The following CBFA2T2 variants were observed in gnomAD, a reference collection of about 807,000 sequenced individuals.
CBFA2T2 encodes the protein protein CBFA2T2.
CBFA2T2 carries 11 observed loss-of-function variants against 62.2 expected under a neutral mutation model. The ratio of observed to expected loss-of-function variants is 0.18; its 90% CI spans 0.11 to 0.29. The LOEUF (loss-of-function observed/expected upper bound fraction) is 0.29, where lower values mean the gene tolerates loss of function less well. CBFA2T2 is among the 10% of genes least tolerant of loss of function. The pLI is 1.00. For missense variants in CBFA2T2, 592 were observed against 774.1 expected (o/e 0.76, Z 2.79); for synonymous variants, 295 against 287.5 (o/e 1.03, Z -0.27).
At chr20:33,562,730 A>G in intron 1 of CBFA2T2, 1 of 939,018 alleles carries the variant, frequency 1.1e-6, no homozygotes, top group Non-Finnish European at 1.3e-6. Flanking sequence ...TCTGCCTTTC[A>G]AAGCTTTTTA....
chr20:33,522,274 T>C (rs2011749560), intron 1 of CBFA2T2, among the ~76,000 whole-genome samples: 1 of 147,594 alleles, frequency 6.8e-6, no homozygotes, highest in African/African-American at 2.5e-5. Flanking sequence ...AAATTCAAAA[T>C]AACCTTCTAA....
At chr20:33,625,127 C>A in intron 6 of CBFA2T2, 110 bp downstream of exon 6, 1 of 990,328 alleles carries the variant, frequency 1.0e-6, no homozygotes, top group Non-Finnish European at 1.5e-6. Flanking sequence ...TTGGATAAAA[C>A]AATATTATAC....
intron 1 of CBFA2T2, among the ~76,000 whole-genome samples, chr20:33,543,527 C>CACGT (rs1261515309): frequency 6.6e-6 from 1 of 152,092 alleles, no homozygotes; most frequent in Non-Finnish European, 1.5e-5. Context: ...GGGAGATGAA[C>CACGT]ACGTACTAGA....
chr20:33,518,223 A>G (rs1372036077), intron 1 of CBFA2T2, among the ~76,000 whole-genome samples: 1 of 152,130 alleles, frequency 6.6e-6, no homozygotes, highest in East Asian at 1.9e-4. Flanking sequence ...CTGGGATTAC[A>G]GGCGTGAGTC....
chr20:33,500,877 CAT>C (rs2011268731), intron 1 of CBFA2T2, among the ~76,000 whole-genome samples: 2 of 152,048 alleles, frequency 1.3e-5, no homozygotes, highest in Non-Finnish European at 2.9e-5. Flanking sequence ...CAATTCATCC[CAT>C]ATGTTTCCTG....
chr20:33,619,281 AG>A (rs2015839198), intron 3 of CBFA2T2, among the ~76,000 whole-genome samples: 1 of 152,160 alleles, frequency 6.6e-6, no homozygotes, highest in Non-Finnish European at 1.5e-5. Context: ...CCACTTTAGG[AG>A]GCCGAGGCGG....
At chr20:33,592,422 TA>T (rs1043819673) in intron 1 of CBFA2T2, among the ~76,000 whole-genome samples, 1 of 147,828 alleles carries the variant, frequency 6.8e-6, no homozygotes, top group Non-Finnish European at 1.5e-5. Context: ...TATAATTATG[TA>T]AAAATTATAT....
At chr20:33,560,579 A>G (rs979379019) in intron 1 of CBFA2T2, among the ~76,000 whole-genome samples, 4 of 152,214 alleles carry the variant, frequency 2.6e-5, no homozygotes, top group Non-Finnish European at 5.9e-5. Context: ...CTGGTATGAA[A>G]TGAAGCCCTA....
intron 1 of CBFA2T2, among the ~76,000 whole-genome samples, chr20:33,587,915 A>G (rs974627537): frequency 2.0e-5 from 3 of 152,226 alleles, no homozygotes; most frequent in Non-Finnish European, 4.4e-5. Flanking sequence ...GTTTCATTCA[A>G]GTAGTTGAAA....
At chr20:33,569,362 G>C (rs1246917898) in intron 1 of CBFA2T2, among the ~76,000 whole-genome samples, 3 of 152,138 alleles carry the variant, frequency 2.0e-5, no homozygotes. Context: ...ACAAATAATT[G>C]TTCTAGTTTA....
At chr20:33,494,755 C>T (rs1393652401) in intron 1 of CBFA2T2, among the ~76,000 whole-genome samples, 2 of 151,790 alleles carry the variant, frequency 1.3e-5, no homozygotes, top group Non-Finnish European at 2.9e-5. Context: ...TGCACCACCA[C>T]ACCCAGCTAA....
chr20:33,526,085 T>C (rs1176341302), intron 1 of CBFA2T2, among the ~76,000 whole-genome samples: 1 of 152,278 alleles, frequency 6.6e-6, no homozygotes, highest in South Asian at 2.1e-4. Context: ...GAGGAAAATA[T>C]ATTAAATAAG....
At chr20:33,494,978 T>G (rs73119112) in intron 1 of CBFA2T2, among the ~76,000 whole-genome samples, 2,472 of 152,348 alleles carry the variant, frequency 0.016, 33 homozygotes, top group Non-Finnish European at 0.022. Flanking sequence ...GTTCCAACGT[T>G]GTCTTTCTAC....
intron 1 of CBFA2T2, among the ~76,000 whole-genome samples, chr20:33,590,666 A>C (rs1264586402): frequency 6.6e-6 from 1 of 152,206 alleles, no homozygotes; most frequent in East Asian, 1.9e-4. Flanking sequence ...CCTAGGTGTC[A>C]GCCAGTCATG....
intron 1 of CBFA2T2, among the ~76,000 whole-genome samples, chr20:33,545,439 C>CTCTTTCTTTCTTTCTTTCTT (rs142619958): frequency 0.047 from 6,908 of 148,224 alleles, 228 homozygotes; most frequent in East Asian, 0.12. Flanking sequence ...CTCTTTCTTT[C>CTCTTTCTTTCTTTCTTTCTT]TCTTTCTTTC....
Position 33,648,124 on chromosome 20 carries a change from T to C in CBFA2T2, c.*3478T>C, listed in dbSNP as rs1490038755. The C allele has an allele frequency of 6.6e-6, 1 of 152,224 alleles. No individual in the cohort carries two copies. The highest frequency in any genetic ancestry group is 1.5e-5 in the Non-Finnish European group (1 of 68,054). 9.4% of individuals were successfully genotyped at this position (152,224 alleles called of 1,614,324 possible). ...GTGGGGAGTGGAAATTCAGCCTGCTTAGAGGACTGACCTCTACAGTTCATA... is the reference window on the plus strand; with the variant it reads ...GTGGGGAGTGGAAATTCAGCCTGCTCAGAGGACTGACCTCTACAGTTCATA... On this transcript the variant is annotated 3_prime_UTR_variant, in exon 11 of 11. Coordinates refer to ENST00000342704, the MANE Select transcript of CBFA2T2 (RefSeq NM_001032999.3).
intron 1 of CBFA2T2, among the ~76,000 whole-genome samples, chr20:33,500,839 G>A (rs2011267935): frequency 1.3e-5 from 2 of 152,142 alleles, no homozygotes; most frequent in Non-Finnish European, 2.9e-5. Context: ...AAAATAAAAA[G>A]GCAACAGAAA....
chr20:33,568,100 T>G (rs1248753893), intron 1 of CBFA2T2, among the ~76,000 whole-genome samples: 2 of 152,172 alleles, frequency 1.3e-5, no homozygotes, highest in African/African-American at 4.8e-5. Flanking sequence ...CATTAGGCTG[T>G]GTAACCATAA....
At chr20:33,501,268 C>G (rs950688246) in intron 1 of CBFA2T2, among the ~76,000 whole-genome samples, 2 of 152,152 alleles carry the variant, frequency 1.3e-5, no homozygotes, top group Admixed American at 6.6e-5. Context: ...TCCCTTGATA[C>G]ACTATTTTGG....
Sources: allele counts gnomAD v4.1 joint callset (sites outside exome capture counted in the v4.1 genomes callset), GRCh38; gene constraint gnomAD v4.1.1; transcripts MANE v1.5; gene names NCBI Gene and HGNC (gene_info 2026-07-23, HGNC 2026-07-21).